Variants in COL19A1 observed in about 807,000 individuals in gnomAD.
The protein encoded by COL19A1 is collagen alpha-1(XIX) chain.
In COL19A1, 159 loss-of-function variants were observed where a neutral mutation model predicts 190.2. That is an observed-to-expected ratio of 0.84 (90% CI 0.73 to 0.95). The LOEUF (loss-of-function observed/expected upper bound fraction) is 0.95, where lower values mean the gene tolerates loss of function less well. Ranked by LOEUF, COL19A1 falls within the 40% of genes least tolerant of loss-of-function variation. The pLI is 0.00. For missense variants in COL19A1, 1,418 were observed against 1,431.9 expected (o/e 0.99, Z 0.16); for synonymous variants, 509 against 458.9 (o/e 1.11, Z -1.39).
intron 25 of COL19A1, among the ~76,000 whole-genome samples, chr6:70,146,278 T>C (rs1390446664): frequency 2.6e-5 from 4 of 152,118 alleles, no homozygotes; most frequent in African/African-American, 9.7e-5. Flanking sequence ...GGTTTGTCAT[T>C]TGCAGAAAAT....
intron 41 of COL19A1, among the ~76,000 whole-genome samples, chr6:70,175,766 C>A (rs1765763476): frequency 6.6e-6 from 1 of 152,060 alleles, no homozygotes; most frequent in Admixed American, 6.6e-5. Context: ...GTAAGAATTG[C>A]ATTAAATTTA....
chr6:70,211,832 T>C lies in COL19A1; in HGVS notation c.*4558T>C, dbSNP rs1768225631. 6.6e-6 allele frequency among the ~76,000 whole-genome samples: 1 copy of C among 151,926 alleles called. No homozygotes were observed. Among genetic ancestry groups the C allele is most frequent in the Non-Finnish European group, 1.5e-5 (1 of 67,946 alleles). On this transcript the variant is annotated 3_prime_UTR_variant, in exon 51 of 51. Coordinates refer to ENST00000620364, the MANE Select transcript of COL19A1 (RefSeq NM_001858.6). Reference sequence around the variant, plus strand: ...CACAGAGAAAACTTATTCGGACAAGTAGACCCAGCACAGCAAAAATTTGTC... The same window carrying C: ...CACAGAGAAAACTTATTCGGACAAGCAGACCCAGCACAGCAAAAATTTGTC...
chr6:69,944,454 C>A (rs1479195532), intron 9 of COL19A1, among the ~76,000 whole-genome samples: 12 of 152,058 alleles, frequency 7.9e-5, no homozygotes, highest in African/African-American at 2.9e-4. Flanking sequence ...TTCCTAATTG[C>A]CCAGGAGACT....
chr6:69,942,738 G>A (rs940812468), intron 9 of COL19A1, among the ~76,000 whole-genome samples: 16 of 121,658 alleles, frequency 1.3e-4, no homozygotes, highest in Non-Finnish European at 5.2e-5. Context: ...TCCATTGTGT[G>A]TATGTGTGTG....
intron 12 of COL19A1, among the ~76,000 whole-genome samples, chr6:70,025,590 T>A (rs1778689453): frequency 6.6e-6 from 1 of 152,220 alleles, no homozygotes; most frequent in African/African-American, 2.4e-5. Flanking sequence ...TTTGTTTAAA[T>A]GAAAATTCCT....
chr6:70,093,871 G>A (rs76075891), intron 15 of COL19A1, among the ~76,000 whole-genome samples: 7,712 of 152,134 alleles, frequency 0.051, 256 homozygotes, highest in Non-Finnish European at 0.075. Flanking sequence ...CATCTAAGGG[G>A]GGATAAAAGG....
At chr6:70,057,111 T>C (rs1376206428) in intron 14 of COL19A1, among the ~76,000 whole-genome samples, 7 of 152,178 alleles carry the variant, frequency 4.6e-5, no homozygotes, top group Non-Finnish European at 1.0e-4. Context: ...CACATATGTA[T>C]AGATTGTTCC....
At chr6:69,929,155 TACACACACAC>T (rs141935825) in intron 5 of COL19A1, among the ~76,000 whole-genome samples, 4 of 148,552 alleles carry the variant, frequency 2.7e-5, no homozygotes, top group Admixed American at 6.8e-5. Context: ...TTAAAATAAC[TACACACACAC>T]ACACACACAC....
intron 19 of COL19A1, among the ~76,000 whole-genome samples, chr6:70,140,036 A>G (rs899566749): frequency 6.6e-6 from 1 of 151,980 alleles, no homozygotes; most frequent in Admixed American, 6.6e-5. Flanking sequence ...AAAAACAAGC[A>G]GGGAAATAAG....
At chr6:69,976,830 G>A (rs974530188) in intron 11 of COL19A1, among the ~76,000 whole-genome samples, 6 of 152,190 alleles carry the variant, frequency 3.9e-5, no homozygotes, top group African/African-American at 1.4e-4. Context: ...ACAATTGCCA[G>A]GAAATAACAT....
intron 48 of COL19A1, among the ~76,000 whole-genome samples, chr6:70,191,929 G>C (rs1423893639): frequency 6.6e-6 from 1 of 152,134 alleles, no homozygotes; most frequent in Non-Finnish European, 1.5e-5. Context: ...TAGCAGTAGA[G>C]ACTGAAATCT....
intron 49 of COL19A1, among the ~76,000 whole-genome samples, chr6:70,202,980 G>A (rs1032670419): frequency 6.6e-6 from 1 of 152,016 alleles, no homozygotes; most frequent in Non-Finnish European, 1.5e-5. Flanking sequence ...TTCCCACCTG[G>A]GGCTTGCAGC....
chr6:69,898,103 A>G (rs960464510), intron 2 of COL19A1, among the ~76,000 whole-genome samples: 1 of 152,170 alleles, frequency 6.6e-6, no homozygotes, highest in Non-Finnish European at 1.5e-5. Flanking sequence ...CCAAACATCA[A>G]TTTTAGACAT....
intron 15 of COL19A1, among the ~76,000 whole-genome samples, chr6:70,078,632 C>A (rs1782038845): frequency 6.6e-6 from 1 of 152,130 alleles, no homozygotes; most frequent in African/African-American, 2.4e-5. Flanking sequence ...ACACCCATGG[C>A]AACTGAGCCC....
chr6:70,180,260 G>A, intron 42 of COL19A1, 52 bp from the exon 43 acceptor site: 2 of 1,603,806 alleles, frequency 1.2e-6, no homozygotes, highest in Admixed American at 3.3e-5. Flanking sequence ...GAAGCATATG[G>A]TGTCGTTCAG....
chr6:70,143,059 C>G (rs990248314), intron 23 of COL19A1, among the ~76,000 whole-genome samples: 3 of 152,016 alleles, frequency 2.0e-5, no homozygotes, highest in Admixed American at 6.6e-5. Flanking sequence ...TTTTGGAGCT[C>G]AAGTTAATCA....
At chr6:70,205,387 C>G (rs1767793132) in intron 49 of COL19A1, among the ~76,000 whole-genome samples, 1 of 152,150 alleles carries the variant, frequency 6.6e-6, no homozygotes, top group African/African-American at 2.4e-5. Context: ...ATTGATCATA[C>G]ATACTGTTCA....
At chr6:69,930,752 T>C (rs915863693) in intron 6 of COL19A1, among the ~76,000 whole-genome samples, 2 of 152,138 alleles carry the variant, frequency 1.3e-5, no homozygotes, top group Non-Finnish European at 2.9e-5. Context: ...TGAGCCAAGA[T>C]CATGCCACTG....
chr6:70,188,262 C>T lies in COL19A1; in HGVS notation c.3027+17C>T, dbSNP rs772257996. 1.9e-5 allele frequency: 30 copies of T among 1,588,964 alleles called. No homozygotes were observed. Among genetic ancestry groups the T allele is most frequent in the Admixed American group, 5.5e-5 (3 of 54,228 alleles). ...GGCATTCCGGTAAGTAGTGCTAAGA[C>T]GCTTTAGGGCTCCTGGCTTGTACCG... On this transcript the variant is annotated intron_variant, in intron 47 of 50. Transcript: ENST00000620364.
Sources: allele counts gnomAD v4.1 joint callset (sites outside exome capture counted in the v4.1 genomes callset), GRCh38; gene constraint gnomAD v4.1.1; transcripts MANE v1.5; gene names NCBI Gene and HGNC (gene_info 2026-07-23, HGNC 2026-07-21).